The following PPP1R14C variants were observed in gnomAD, a reference collection of about 807,000 sequenced individuals.
The protein encoded by PPP1R14C is protein phosphatase 1 regulatory inhibitor subunit 14C, also known as protein phosphatase 1 regulatory subunit 14C.
PPP1R14C carries 16 observed loss-of-function variants against 20.4 expected under a neutral mutation model. The observed-to-expected ratio is 0.78, with a 90% CI of 0.53 to 1.19. The LOEUF (loss-of-function observed/expected upper bound fraction) is 1.19. Ranked by LOEUF, PPP1R14C falls within the 50% of genes most tolerant of loss-of-function variation. The pLI is 0.00. For missense variants in PPP1R14C, 211 were observed against 220.1 expected, an observed-to-expected ratio of 0.96 and a Z score of 0.26; for synonymous variants, 91 against 91.0, an observed-to-expected ratio of 1.00 and a Z score of 0.00.
At chr6:150,204,862 C>T (rs1323495847) in intron 1 of PPP1R14C, among the ~76,000 whole-genome samples, 4 of 152,170 alleles carry the variant, frequency 2.6e-5, no homozygotes, top group Admixed American at 2.0e-4. Flanking sequence ...TCGGAGGCTT[C>T]AGTCGCTTTC....
rs1777143885 is a variant in PPP1R14C, at chr6:150,143,292, C to T, written c.100C>T (p.Pro34Ser). 1.3e-6 allele frequency: 2 copies of T among 1,558,076 alleles called. No individual in the cohort carries two copies. The highest frequency in any genetic ancestry group is 1.7e-6 in the Non-Finnish European group (2 of 1,157,988). The part of the protein sequence containing the change: ...QSPRGGAGGS[P>S]GSSSGSGSSR... ...CCCCCGGGGTGGCGCCGGTGGCAGCCCCGGCTCCAGCAGCGGCTCAGGCTC... is the reference window on the plus strand; with the variant it reads ...CCCCCGGGGTGGCGCCGGTGGCAGCTCCGGCTCCAGCAGCGGCTCAGGCTC... The change falls in exon 1 of 4, where the codon CCC becomes TCC. Residue 34 changes from proline to serine, a missense_variant. Pro to Ser is a moderately conservative substitution (Grantham distance 74, BLOSUM62 -1). Transcript: ENST00000361131. This position sits in a 1 kb window ranked among gnomAD's most constrained non-coding sequence, Gnocchi z 5.6.
chr6:150,171,808 T>C (rs192311183), intron 1 of PPP1R14C, among the ~76,000 whole-genome samples: 3 of 152,294 alleles, frequency 2.0e-5, no homozygotes, highest in East Asian at 1.9e-4. Flanking sequence ...ATTTCTTTTT[T>C]TCTTTTTTCT....
intron 1 of PPP1R14C, among the ~76,000 whole-genome samples, chr6:150,165,491 A>G (rs900220955): frequency 3.9e-5 from 6 of 152,264 alleles, no homozygotes; most frequent in African/African-American, 1.4e-4. Context: ...GTTGGCAGTA[A>G]TGAATCTATT....
intron 3 of PPP1R14C, among the ~76,000 whole-genome samples, chr6:150,247,037 T>A (rs954604327): frequency 1.3e-5 from 2 of 152,200 alleles, no homozygotes; most frequent in East Asian, 3.8e-4. Context: ...AAAACACATA[T>A]TACTTTTATA....
intron 1 of PPP1R14C, among the ~76,000 whole-genome samples, chr6:150,161,734 ACT>A (rs1398068578): frequency 6.6e-6 from 1 of 152,022 alleles, no homozygotes; most frequent in East Asian, 1.9e-4. Flanking sequence ...ATTTTAACAG[ACT>A]CTACTTATTT....
chr6:150,185,471 C>A lies in PPP1R14C; in HGVS notation c.307-29273C>A, dbSNP rs1265506545. ...ACCACAGGAATTTCCAGCAACAGTC[C>A]ACTACCATATTCCTAGCACTGAGCA... On this transcript the variant is annotated intron_variant, in intron 1 of 3. Transcript: ENST00000361131. The surrounding 1 kb of genome is among the most constrained non-coding windows in gnomAD (Gnocchi z 4.1). 2.0e-5 allele frequency among the ~76,000 whole-genome samples: 3 copies of A among 152,076 alleles called. No individual in the cohort carries two copies. Among genetic ancestry groups the A allele is most frequent in the African/African-American group, 7.2e-5 (3 of 41,398 alleles).
chr6:150,200,345 C>G (rs1016134926), intron 1 of PPP1R14C, among the ~76,000 whole-genome samples: 5 of 152,096 alleles, frequency 3.3e-5, no homozygotes, highest in Non-Finnish European at 7.4e-5. Flanking sequence ...GTCTCGGCTA[C>G]CCCTCATGGT....
At chr6:150,172,801 G>A (rs1777514034) in intron 1 of PPP1R14C, among the ~76,000 whole-genome samples, 1 of 152,078 alleles carries the variant, frequency 6.6e-6, no homozygotes, top group Non-Finnish European at 1.5e-5. Flanking sequence ...AACAGGAGAT[G>A]ACTCCTCCTC....
At chr6:150,170,962 C>T (rs1353341737) in intron 1 of PPP1R14C, among the ~76,000 whole-genome samples, 2 of 151,924 alleles carry the variant, frequency 1.3e-5, no homozygotes, top group African/African-American at 4.8e-5. Context: ...TTTAGATTCA[C>T]AGTAAAATTG....
At chr6:150,175,585 T>A (rs879640745) in intron 1 of PPP1R14C, among the ~76,000 whole-genome samples, 1 of 152,204 alleles carries the variant, frequency 6.6e-6, no homozygotes, top group Admixed American at 6.5e-5. Context: ...ATGGGGCTGG[T>A]GAGGGCATTT....
chr6:150,205,271 G>A (rs117508933), intron 1 of PPP1R14C, among the ~76,000 whole-genome samples: 1 of 152,220 alleles, frequency 6.6e-6, no homozygotes, highest in East Asian at 1.9e-4. Flanking sequence ...CTTAGTCAGT[G>A]TCTAGCAGCC....
chr6:150,156,817 C>A (rs977660778), intron 1 of PPP1R14C, among the ~76,000 whole-genome samples: 1 of 152,164 alleles, frequency 6.6e-6, no homozygotes, highest in African/African-American at 2.4e-5. Context: ...TAAGATATTC[C>A]ATTTCTTCTT....
chr6:150,178,060 G>A (rs1777582265), intron 1 of PPP1R14C, among the ~76,000 whole-genome samples: 1 of 152,200 alleles, frequency 6.6e-6, no homozygotes, highest in Non-Finnish European at 1.5e-5. Flanking sequence ...TAGAGGGCTT[G>A]TGCGTGTGTC....
At position 150,172,692 on chromosome 6, in the gene PPP1R14C, T is replaced by C. The variant is rs569064426; in HGVS notation, c.306+29194T>C. ...TTCTTTGGAAGTGCCATCTGACACT[T>C]CTCCTGGTGGGCAGAGTTGCTGAAA... On this transcript the variant is annotated intron_variant, in intron 1 of 3. Transcript: ENST00000361131. Among the ~76,000 whole-genome samples the C allele has an allele frequency of 2.1e-3, 322 of 152,258 alleles. 1 individual carries two copies. The highest frequency in any genetic ancestry group is 5.0e-3 in the South Asian group (24 of 4,820).
At chr6:150,240,179 G>A (rs1326543919) in intron 3 of PPP1R14C, among the ~76,000 whole-genome samples, 1 of 152,132 alleles carries the variant, frequency 6.6e-6, no homozygotes, top group Non-Finnish European at 1.5e-5. Flanking sequence ...AAGGAGAGAA[G>A]ACACATTACT....
intron 1 of PPP1R14C, among the ~76,000 whole-genome samples, chr6:150,191,361 C>T (rs1466373755): frequency 6.6e-6 from 1 of 152,246 alleles, no homozygotes. Flanking sequence ...CTATTCCCAG[C>T]ATCTGGAACA....
chr6:150,147,381 TG>T (rs546081322), intron 1 of PPP1R14C, among the ~76,000 whole-genome samples: 2 of 152,256 alleles, frequency 1.3e-5, no homozygotes, highest in East Asian at 3.9e-4. Flanking sequence ...GGTTTCACTA[TG>T]TTGGCCAGGC....
Position 150,143,115 on chromosome 6 carries a change from G to A in PPP1R14C, c.-78G>A. 8.6e-7 allele frequency: 1 copy of A among 1,163,894 alleles called. No homozygotes were observed. Among genetic ancestry groups the A allele is most frequent in the Non-Finnish European group, 1.1e-6 (1 of 948,166 alleles). 72.1% of individuals were successfully genotyped at this position (1,163,894 alleles called of 1,614,324 possible). Reference sequence around the variant, plus strand: ...GGAGCCCTTCGCATGCGGCTGCCGGGCCGGAGGTGGTAGCGGCGCCGGGCG... The same window carrying A: ...GGAGCCCTTCGCATGCGGCTGCCGGACCGGAGGTGGTAGCGGCGCCGGGCG... On this transcript the variant is annotated 5_prime_UTR_variant, in exon 1 of 4. Coordinates refer to ENST00000361131, the MANE Select transcript of PPP1R14C (RefSeq NM_030949.3). This position sits in a 1 kb window ranked among gnomAD's most constrained non-coding sequence, Gnocchi z 5.6.
At chr6:150,244,585 G>C (rs1243538750) in intron 3 of PPP1R14C, among the ~76,000 whole-genome samples, 1 of 152,212 alleles carries the variant, frequency 6.6e-6, no homozygotes, top group African/African-American at 2.4e-5. Context: ...TATCGGCATT[G>C]TCCACATGGC....
Sources: gnomAD v4.1 joint callset for allele counts (sites outside exome capture counted in the v4.1 genomes callset) on GRCh38, gnomAD v4.1.1 for gene constraint, Gnocchi (gnomAD v3.1) non-coding constraint, MANE v1.5 for transcripts, NCBI Gene and HGNC (gene_info 2026-07-23, HGNC 2026-07-21) for gene names.